The following RMDN1 variants were observed in gnomAD, a reference collection of about 807,000 sequenced individuals.
RMDN1 encodes regulator of microtubule dynamics 1.
Under a neutral mutation model 48.9 loss-of-function variants are expected in RMDN1, and 48 were observed. The ratio of observed to expected loss-of-function variants is 0.98; its 90% CI spans 0.78 to 1.25. The LOEUF (loss-of-function observed/expected upper bound fraction) is 1.25, where lower values mean the gene tolerates loss of function less well. RMDN1 is among the 50% of genes most tolerant of loss of function. The pLI is 0.00. For missense variants in RMDN1, 418 were observed against 373.4 expected (o/e 1.12, Z -0.98); for synonymous variants, 148 against 132.6 (o/e 1.12, Z -0.80).
intron 2 of RMDN1, among the ~76,000 whole-genome samples, chr8:86,491,117 A>AAT (rs1314718840): frequency 1.3e-5 from 2 of 151,584 alleles, no homozygotes; most frequent in Non-Finnish European, 2.9e-5. Flanking sequence ...AATGGCTTTA[A>AAT]ATATATATAT....
chr8:86,486,459 T>TTA lies in RMDN1; in HGVS notation c.495+23_495+24dup, dbSNP rs1277892022. ...AGAAAATGTACCTCTCAGTACATGG[T>TTA]TAATAGCTTAGTTAAGCAACTCACC... On this transcript the variant is annotated intron_variant, in intron 4 of 9. Transcript: ENST00000406452. The TTA allele has an allele frequency of 4.5e-6, 7 of 1,550,096 alleles. No homozygotes were observed. The African/African-American group carries it at 6.8e-5, about 15-fold the overall frequency.
intron 3 of RMDN1, among the ~76,000 whole-genome samples, chr8:86,487,980 CAT>C (rs56810922): frequency 0.27 from 40,289 of 151,958 alleles, 6,196 homozygotes; most frequent in East Asian, 0.53. Context: ...GCTATTTAGC[CAT>C]ATGACTTACT....
intron 2 of RMDN1, among the ~76,000 whole-genome samples, chr8:86,493,688 C>A (rs1004785678): frequency 1.3e-5 from 2 of 152,092 alleles, no homozygotes; most frequent in Non-Finnish European, 1.5e-5. Flanking sequence ...CAACATGATG[C>A]CACAAGTAGA....
chr8:86,475,130 T>C, intron 8 of RMDN1, 177 bp from the exon 9 acceptor site: 1 of 527,846 alleles, frequency 1.9e-6, no homozygotes, highest in East Asian at 3.2e-5. Flanking sequence ...AAAATAATAA[T>C]TACCAATGAA....
chr8:86,506,491 T>C (rs374365250), intron 2 of RMDN1, among the ~76,000 whole-genome samples: 2 of 152,350 alleles, frequency 1.3e-5, no homozygotes, highest in African/African-American at 4.8e-5. Flanking sequence ...TGAGTCAATG[T>C]ACAGTGTAGC....
Position 86,486,627 on chromosome 8 carries a change from G to A in RMDN1, c.352C>T (p.Leu118=). The A allele has an allele frequency of 6.3e-7, 1 of 1,592,142 alleles. No homozygotes were observed. The highest frequency in any genetic ancestry group is 8.5e-7 in the Non-Finnish European group (1 of 1,170,466). Residue 118 remains leucine, a synonymous_variant, in exon 4 of 10, where the codon CTG becomes TTG. Transcript: ENST00000406452. ...CGTGATGCCCGTGCCAAACGCCACA[G>A]TAACTCTGCATCTTCACTAATTTGA... ...QYKESEDAEL[L]WRLARASRDV...
intron 2 of RMDN1, chr8:86,505,207 T>C (rs1819114403): frequency 1.4e-6 from 1 of 727,742 alleles, no homozygotes; most frequent in African/African-American, 1.8e-5. Context: ...CATGCGCACC[T>C]CAAGGCTGGG....
intron 2 of RMDN1, among the ~76,000 whole-genome samples, chr8:86,506,365 T>C (rs1819356759): frequency 6.6e-6 from 1 of 152,228 alleles, no homozygotes; most frequent in African/African-American, 2.4e-5. Context: ...AAAGGTGTGT[T>C]GTTGCCTTTA....
rs199759417 is a variant in RMDN1 at position 86,474,897 on chromosome 8, G to A, written c.817C>T (p.Leu273=). 2 of 1,612,856 alleles carry A rather than the reference G, an allele frequency of 1.2e-6. No homozygotes were observed. Among genetic ancestry groups the A allele is most frequent in the East Asian group, 2.2e-5 (1 of 44,810 alleles). The change falls in exon 9 of 10, where the codon CTA becomes TTA. Residue 273 remains leucine (L), a synonymous_variant. Transcript: ENST00000406452. The stretch of plus-strand genomic sequence containing the variant: ...AAAGCAGCAAGCTTTTTGTTGTGTA[G>A]TTTCAAGTATGTCTTTCCTAAAAGA... ...LLLLGKTYLK[L]HNKKLAAFWL... is the part of the protein sequence containing the mutation.
chr8:86,490,875 C>T (rs1331818986), intron 2 of RMDN1, among the ~76,000 whole-genome samples: 1 of 151,898 alleles, frequency 6.6e-6, no homozygotes, highest in Non-Finnish European at 1.5e-5. Context: ...TAGAAATTGT[C>T]AGCCAGGCAT....
chr8:86,489,781 G>C (rs893912299), intron 2 of RMDN1, among the ~76,000 whole-genome samples: 1 of 145,380 alleles, frequency 6.9e-6, no homozygotes. Flanking sequence ...AGTGAGCCAT[G>C]ATCGCTCCAC....
intron 2 of RMDN1, chr8:86,503,575 C>A (rs1818767178): frequency 2.4e-6 from 1 of 413,138 alleles, no homozygotes. Context: ...AGATTAGGAC[C>A]ATGCGGACAC....
At chr8:86,481,887 T>C (rs994635158) in intron 5 of RMDN1, 8 of 767,958 alleles carry the variant, frequency 1.0e-5, no homozygotes, top group East Asian at 2.7e-5. Context: ...AGATCTAATA[T>C]GTTCAACAAA....
chr8:86,478,394 G>A (rs1394973474), intron 7 of RMDN1: 2 of 152,264 alleles, frequency 1.3e-5, no homozygotes, highest in African/African-American at 4.8e-5. Flanking sequence ...TGAAAAGCTT[G>A]TGATGAGTAA....
intron 2 of RMDN1, among the ~76,000 whole-genome samples, chr8:86,492,358 A>T (rs56268009): frequency 0.31 from 46,499 of 152,000 alleles, 8,830 homozygotes; most frequent in Middle Eastern, 0.45. Context: ...TGTCTATTTT[A>T]AGGAGGTAAT....
chr8:86,478,134 C>T (rs890169875), intron 7 of RMDN1: 1 of 152,198 alleles, frequency 6.6e-6, no homozygotes, highest in Non-Finnish European at 1.5e-5. Context: ...ATCCACCAAC[C>T]TTGGCCTTCC....
Position 86,473,964 on chromosome 8 carries a change from C to A in RMDN1, c.*344G>T. ...TTTGAAAATCCATCCCCCTGTATATCCCCTATAGATCCATTTCCCCTCCTC... is the reference window on the plus strand; with the variant it reads ...TTTGAAAATCCATCCCCCTGTATATACCCTATAGATCCATTTCCCCTCCTC... On this transcript the variant is annotated 3_prime_UTR_variant, in exon 10 of 10. Transcript: ENST00000406452. The A allele has an allele frequency of 9.6e-7, 1 of 1,038,822 alleles. No homozygotes were observed. The highest frequency in any genetic ancestry group is 1.2e-6 in the Non-Finnish European group (1 of 863,972). The allele number at this position is 1,038,822 out of a possible 1,614,324, so 64.4% of individuals were successfully genotyped here.
rs369392601 is a variant in RMDN1 at position 86,474,960 on chromosome 8, A to C, written c.761-7T>G. On this transcript the variant is annotated splice_region_variant and splice_polypyrimidine_tract_variant and intron_variant, in intron 8 of 9. Coordinates refer to ENST00000406452, the MANE Select transcript of RMDN1 (RefSeq NM_016033.3). ...CTGTAGAAGTTTGGATCCACTGCAC[A>C]TAAGAAAGAAAAAATGATCTCAGAG... 3 of 1,583,476 alleles carry C rather than the reference A, an allele frequency of 1.9e-6. No homozygotes were observed. Among genetic ancestry groups the C allele is most frequent in the African/African-American group, 1.4e-5 (1 of 73,076 alleles).
At chr8:86,509,859 C>T (rs1819954224), upstream of RMDN1, among the ~76,000 whole-genome samples, 1 of 152,140 alleles carries the variant, frequency 6.6e-6, no homozygotes, top group Admixed American at 6.6e-5. Flanking sequence ...AGATCTCCTT[C>T]CCAACTTCTG....
Sources: gnomAD v4.1 joint callset for allele counts (sites outside exome capture counted in the v4.1 genomes callset) on GRCh38, gnomAD v4.1.1 for gene constraint, MANE v1.5 for transcripts, NCBI Gene and HGNC (gene_info 2026-07-23, HGNC 2026-07-21) for gene names.